SIK2: variants seen among roughly 807,000 people sequenced by gnomAD.
SIK2 encodes salt inducible kinase 2.
A neutral mutation model predicts 103.2 loss-of-function variants in SIK2; 29 were observed. The ratio of observed to expected loss-of-function variants is 0.28; its 90% CI spans 0.21 to 0.38. SIK2 has a LOEUF of 0.38. SIK2 is among the 10% of genes least tolerant of loss of function. The pLI is 1.00. For synonymous variants in SIK2, 412 were observed against 446.1 expected, an observed-to-expected ratio of 0.92 and a Z score of 0.96; for missense variants, 879 against 1,171.0, an observed-to-expected ratio of 0.75 and a Z score of 3.64.
chr11:111,654,724 C>A (rs930448242), intron 3 of SIK2, among the ~76,000 whole-genome samples: 1 of 152,202 alleles, frequency 6.6e-6, no homozygotes, highest in Non-Finnish European at 1.5e-5. Context: ...CATTTTTCTG[C>A]TTGTCATCAA....
intron 1 of SIK2, among the ~76,000 whole-genome samples, chr11:111,611,204 G>T (rs564633867): frequency 5.3e-5 from 8 of 150,868 alleles, no homozygotes; most frequent in Admixed American, 2.0e-4. Context: ...AGCTGAGATC[G>T]CGCCAGTGCA....
chr11:111,619,744 TA>T (rs1296625506), intron 2 of SIK2, among the ~76,000 whole-genome samples: 1 of 152,242 alleles, frequency 6.6e-6, no homozygotes, highest in Non-Finnish European at 1.5e-5. Flanking sequence ...TGCATTTAAA[TA>T]AAAGTATTTT....
intron 9 of SIK2, among the ~76,000 whole-genome samples, chr11:111,713,781 AC>A (rs1943565634): frequency 6.6e-6 from 1 of 152,236 alleles, no homozygotes. Flanking sequence ...AGCGTGGCCA[AC>A]ATGGCGAAAC....
chr11:111,627,155 C>T lies in SIK2; in HGVS notation c.316+6753C>T, dbSNP rs117199415. On this transcript the variant is annotated intron_variant, in intron 3 of 14. Coordinates refer to ENST00000304987, the MANE Select transcript of SIK2 (RefSeq NM_015191.3). ...CTGTAGATTCAGGTAGGCACAAGCA[C>T]GGAATGGTCTGGTAGCCAGCCCGTT... 6.7e-3 allele frequency among the ~76,000 whole-genome samples: 1,014 copies of T among 152,142 alleles called. 8 individuals are homozygous for T. Among genetic ancestry groups the T allele is most frequent in the Middle Eastern group, 0.062 (18 of 292 alleles).
intron 3 of SIK2, among the ~76,000 whole-genome samples, chr11:111,632,012 C>T (rs564844993): frequency 6.6e-6 from 1 of 152,098 alleles, no homozygotes; most frequent in African/African-American, 2.4e-5. Context: ...GAGAATAATA[C>T]CCCCAAAATT....
chr11:111,639,513 G>C (rs561293580), intron 3 of SIK2, among the ~76,000 whole-genome samples: 23 of 152,276 alleles, frequency 1.5e-4, no homozygotes, highest in Middle Eastern at 3.4e-3. Context: ...TTTAAAAGAA[G>C]GTTAAATCCG....
In SIK2 at chr11:111,625,508, A is replaced by AAACTAGCAGAAGAGACAG. The variant is rs575008832; in HGVS notation, c.316+5108_316+5125dup. 7.9e-5 allele frequency among the ~76,000 whole-genome samples: 12 copies of AAACTAGCAGAAGAGACAG among 152,302 alleles called. No homozygotes were observed. In the East Asian group the frequency reaches 2.3e-3, roughly 29 times the overall value. On this transcript the variant is annotated intron_variant, in intron 3 of 14. Transcript: ENST00000304987. ...CATTAAAAGATTTAGAAAAGAGGAG[A>AAACTAGCAGAAGAGACAG]AACTAGCAGAAGAGACAGAGGAGGA...
At chr11:111,689,947 GTTAAT>G (rs1177459187) in intron 4 of SIK2, among the ~76,000 whole-genome samples, 1 of 150,602 alleles carries the variant, frequency 6.6e-6, no homozygotes, top group Non-Finnish European at 1.5e-5. Flanking sequence ...ATGTTTTTAA[GTTAAT>G]TTGTTATATT....
intron 1 of SIK2, among the ~76,000 whole-genome samples, chr11:111,610,713 A>G (rs1941711886): frequency 6.6e-6 from 1 of 152,164 alleles, no homozygotes. Context: ...ATAAAATAAT[A>G]TAGCCATTTT....
intron 4 of SIK2, among the ~76,000 whole-genome samples, chr11:111,699,990 G>A (rs1943175451): frequency 6.6e-6 from 1 of 152,202 alleles, no homozygotes; most frequent in East Asian, 1.9e-4. Context: ...CTTCAGTCAG[G>A]AGTATGTAGC....
At chr11:111,691,943 A>G (rs542125603) in intron 4 of SIK2, among the ~76,000 whole-genome samples, 41 of 152,312 alleles carry the variant, frequency 2.7e-4, no homozygotes, top group African/African-American at 8.9e-4. Flanking sequence ...TTTCAGGGAC[A>G]TGAGGCTAGG....
chr11:111,726,088 G>A lies in SIK2; in HGVS notation c.*1959G>A, dbSNP rs547661800. ...CATTAAGATCTCTAATCTGTTTTGA[G>A]TCTTTACAAAATAGCCAGTTATAAA... On this transcript the variant is annotated 3_prime_UTR_variant, in exon 15 of 15. Coordinates refer to ENST00000304987, the MANE Select transcript of SIK2 (RefSeq NM_015191.3). The A allele has an allele frequency of 1.3e-5, 2 of 152,162 alleles. No homozygotes were observed. The highest frequency in any genetic ancestry group is 2.1e-4 in the South Asian group (1 of 4,824). 9.4% of individuals were successfully genotyped at this position (152,162 alleles called of 1,614,324 possible). A position where few individuals can be genotyped will look rare whatever the true frequency, so the allele number is the denominator to read the frequency against.
chr11:111,673,926 T>C (rs930374728), intron 3 of SIK2, among the ~76,000 whole-genome samples: 13 of 151,504 alleles, frequency 8.6e-5, no homozygotes, highest in African/African-American at 2.7e-4. Context: ...ATACAAAAAT[T>C]AGCCAGGCGT....
chr11:111,681,557 A>C (rs1160246397), intron 3 of SIK2, among the ~76,000 whole-genome samples: 1 of 152,194 alleles, frequency 6.6e-6, no homozygotes, highest in Admixed American at 6.5e-5. Context: ...GAAAGAAAGA[A>C]AAAAGAAAGC....
At chr11:111,605,475 A>T (rs1050267355) in intron 1 of SIK2, among the ~76,000 whole-genome samples, 2 of 152,232 alleles carry the variant, frequency 1.3e-5, no homozygotes, top group African/African-American at 4.8e-5. Context: ...GTTATAGTGG[A>T]ACAATGAATA....
At chr11:111,657,217 A>C (rs757273731) in intron 3 of SIK2, among the ~76,000 whole-genome samples, 1 of 152,174 alleles carries the variant, frequency 6.6e-6, no homozygotes, top group Non-Finnish European at 1.5e-5. Context: ...TTTTGGATAG[A>C]TCTTGAATTA....
chr11:111,637,961 TTTG>T (rs554623352), intron 3 of SIK2, among the ~76,000 whole-genome samples: 12 of 152,344 alleles, frequency 7.9e-5, no homozygotes, highest in African/African-American at 2.6e-4. Flanking sequence ...ACTACGTATA[TTTG>T]TTTGTCAATT....
In SIK2 at chr11:111,670,580, C is replaced by T. The variant is rs550977679; in HGVS notation, c.317-17421C>T. ...AGGTAAACTGTTGGGAATATTAGTG[C>T]GTGATGAACTTTAAATTTAAAGTAG... On this transcript the variant is annotated intron_variant, in intron 3 of 14. Coordinates refer to ENST00000304987, the MANE Select transcript of SIK2 (RefSeq NM_015191.3). Among the ~76,000 whole-genome samples the T allele has an allele frequency of 2.6e-5, 4 of 152,226 alleles. No homozygotes were observed. The South Asian group carries it at 8.3e-4, about 32-fold the overall frequency.
At position 111,635,983 on chromosome 11, in the gene SIK2, C is replaced by T. The variant is rs546153844; in HGVS notation, c.316+15581C>T. ...TTTGGCAGTCTGTGTTTCATTTGTTCCCTAGTTTTCTGTTTCTTTCAGGAT... is the reference window on the plus strand; with the variant it reads ...TTTGGCAGTCTGTGTTTCATTTGTTTCCTAGTTTTCTGTTTCTTTCAGGAT... On this transcript the variant is annotated intron_variant, in intron 3 of 14. Coordinates refer to ENST00000304987, the MANE Select transcript of SIK2 (RefSeq NM_015191.3). 2.6e-5 allele frequency among the ~76,000 whole-genome samples: 4 copies of T among 152,266 alleles called. No individual in the cohort carries two copies. The South Asian group carries it at 8.3e-4, about 32-fold the overall frequency.
Sources: gnomAD v4.1 joint callset for allele counts (sites outside exome capture counted in the v4.1 genomes callset) on GRCh38, gnomAD v4.1.1 for gene constraint, MANE v1.5 for transcripts, NCBI Gene and HGNC (gene_info 2026-07-23, HGNC 2026-07-21) for gene names.